The following CAMKMT variants were observed in gnomAD, a reference collection of about 807,000 sequenced individuals.
The protein encoded by CAMKMT is calmodulin-lysine N-methyltransferase.
In CAMKMT, 53 loss-of-function variants were observed where a neutral mutation model predicts 48.0. The ratio of observed to expected loss-of-function variants is 1.10; its 90% CI spans 0.89 to 1.39. The LOEUF (loss-of-function observed/expected upper bound fraction) is 1.39, where lower values mean the gene tolerates loss of function less well. CAMKMT is among the 40% of genes most tolerant of loss of function. The pLI is 0.00. For synonymous variants in CAMKMT, 165 were observed against 152.3 expected, an observed-to-expected ratio of 1.08 and a Z score of -0.61; for missense variants, 428 against 402.7, an observed-to-expected ratio of 1.06 and a Z score of -0.54.
At chr2:44,608,490 G>A (rs1420413356) in intron 3 of CAMKMT, among the ~76,000 whole-genome samples, 1 of 152,046 alleles carries the variant, frequency 6.6e-6, no homozygotes, top group Admixed American at 6.6e-5. Context: ...AATCAGATCA[G>A]GTATTATCGT....
Position 44,503,739 on chromosome 2 carries a change from T to C in CAMKMT, c.376+113434T>C, listed in dbSNP as rs1670117057. 3.3e-5 allele frequency among the ~76,000 whole-genome samples: 5 copies of C among 152,212 alleles called. No individual in the cohort carries two copies. In the South Asian group the frequency reaches 1.0e-3, roughly 32 times the overall value. ...TTTCAAGCACGCTGTTCTTAGATCT[T>C]AGACTGCTGTGACAAAATACCTTAG... On this transcript the variant is annotated intron_variant, in intron 3 of 10. Transcript: ENST00000378494.
chr2:44,410,471 G>A (rs1683126831), intron 3 of CAMKMT, among the ~76,000 whole-genome samples: 1 of 150,432 alleles, frequency 6.6e-6, no homozygotes, highest in Non-Finnish European at 1.5e-5. Flanking sequence ...TTGTTAGCCA[G>A]GAAGTATATT....
chr2:44,524,757 A>G (rs1405755911), intron 3 of CAMKMT, among the ~76,000 whole-genome samples: 1 of 151,914 alleles, frequency 6.6e-6, no homozygotes, highest in Non-Finnish European at 1.5e-5. Flanking sequence ...AATAACTGGG[A>G]CTCCTGATGG....
chr2:44,387,319 A>T (rs1680869605), intron 2 of CAMKMT, among the ~76,000 whole-genome samples: 1 of 151,606 alleles, frequency 6.6e-6, no homozygotes, highest in Admixed American at 6.6e-5. Flanking sequence ...GTTTTGTCTG[A>T]TATAAGAATA....
chr2:44,747,668 ATTGACAGAGAAAAATGTCTCC>A (rs1679977971), intron 8 of CAMKMT, among the ~76,000 whole-genome samples: 1 of 152,216 alleles, frequency 6.6e-6, no homozygotes, highest in Non-Finnish European at 1.5e-5. Flanking sequence ...TTCTGTGGCT[ATTGACAGAGAAAAATGTCTCC>A]TTGTTCTCTG....
chr2:44,630,533 C>G (rs1393842443), intron 3 of CAMKMT, among the ~76,000 whole-genome samples: 1 of 150,834 alleles, frequency 6.6e-6, no homozygotes, highest in Non-Finnish European at 1.5e-5. Context: ...CTACAATGAA[C>G]TCAAACAAAT....
At chr2:44,603,268 T>C (rs929443785) in intron 3 of CAMKMT, among the ~76,000 whole-genome samples, 4 of 152,032 alleles carry the variant, frequency 2.6e-5, no homozygotes, top group Admixed American at 2.0e-4. Flanking sequence ...TTTGTATTTT[T>C]TTAGTAGAGA....
chr2:44,463,266 C>G (rs772690181), intron 3 of CAMKMT, among the ~76,000 whole-genome samples: 4 of 152,186 alleles, frequency 2.6e-5, no homozygotes, highest in Non-Finnish European at 4.4e-5. Flanking sequence ...AAGACACTGA[C>G]TTAACAATAT....
chr2:44,652,741 G>A (rs1674150364), intron 3 of CAMKMT, among the ~76,000 whole-genome samples: 1 of 152,162 alleles, frequency 6.6e-6, no homozygotes, highest in African/African-American at 2.4e-5. Context: ...TGTGGGAGTG[G>A]GAGTGATGAT....
intron 3 of CAMKMT, among the ~76,000 whole-genome samples, chr2:44,543,914 C>T (rs138024024): frequency 1.3e-5 from 2 of 152,112 alleles, no homozygotes; most frequent in East Asian, 1.9e-4. Context: ...ATAACCTGGT[C>T]GAGTTAGCAT....
At chr2:44,549,138 G>A (rs974651783) in intron 3 of CAMKMT, among the ~76,000 whole-genome samples, 1 of 151,618 alleles carries the variant, frequency 6.6e-6, no homozygotes, top group Non-Finnish European at 1.5e-5. Flanking sequence ...CTGGTACATC[G>A]GCTAAGCTCT....
chr2:44,480,294 G>A (rs147677122), intron 3 of CAMKMT, among the ~76,000 whole-genome samples: 308 of 152,088 alleles, frequency 2.0e-3, no homozygotes, highest in African/African-American at 7.2e-3. Context: ...TACTTCAGTG[G>A]GTCACTTGCA....
At chr2:44,410,893 TA>T (rs1683158118) in intron 3 of CAMKMT, among the ~76,000 whole-genome samples, 1 of 152,212 alleles carries the variant, frequency 6.6e-6, no homozygotes, top group Non-Finnish European at 1.5e-5. Flanking sequence ...AATTACTTTT[TA>T]AAATGAAATG....
chr2:44,394,937 T>C (rs1415374374), intron 3 of CAMKMT: 4 of 455,010 alleles, frequency 8.8e-6, no homozygotes, highest in African/African-American at 2.0e-5. Flanking sequence ...GGCTGGATGA[T>C]TGCTTGAGCC....
chr2:44,508,444 C>T (rs543147971), intron 3 of CAMKMT, among the ~76,000 whole-genome samples: 1 of 152,238 alleles, frequency 6.6e-6, no homozygotes, highest in Admixed American at 6.5e-5. Context: ...GAGTTCCCCA[C>T]TACAGTGTTT....
At chr2:44,520,166 C>T (rs903106537) in intron 3 of CAMKMT, among the ~76,000 whole-genome samples, 30 of 151,984 alleles carry the variant, frequency 2.0e-4, no homozygotes, top group African/African-American at 6.8e-4. Context: ...TTGCAGTGAG[C>T]CAAGATCACG....
At chr2:44,632,052 G>A (rs962147119) in intron 3 of CAMKMT, among the ~76,000 whole-genome samples, 1 of 151,638 alleles carries the variant, frequency 6.6e-6, no homozygotes, top group Admixed American at 6.6e-5. Context: ...CAATACACTG[G>A]CATTATTTTT....
chr2:44,616,176 C>T (rs1265433085), intron 3 of CAMKMT, among the ~76,000 whole-genome samples: 1 of 152,186 alleles, frequency 6.6e-6, no homozygotes, highest in African/African-American at 2.4e-5. Context: ...TGTGCAGCAG[C>T]CCCCTGCCGG....
intron 7 of CAMKMT, among the ~76,000 whole-genome samples, chr2:44,737,260 C>T (rs1290522982): frequency 1.3e-5 from 2 of 152,112 alleles, no homozygotes; most frequent in African/African-American, 2.4e-5. Flanking sequence ...GGAACACAAG[C>T]ATGCACCACC....
Sources: gnomAD v4.1 joint callset for allele counts (sites outside exome capture counted in the v4.1 genomes callset) on GRCh38, gnomAD v4.1.1 for gene constraint, MANE v1.5 for transcripts, NCBI Gene and HGNC (gene_info 2026-07-23, HGNC 2026-07-21) for gene names.